The following TEX36 variants were observed in gnomAD, a reference collection of about 807,000 sequenced individuals.
TEX36 encodes testis expressed 36, also known as testis-expressed protein 36.
A neutral mutation model predicts 13.6 loss-of-function variants in TEX36; 12 were observed. That is an observed-to-expected ratio of 0.88 (90% CI 0.56 to 1.43). The LOEUF is 1.43. Ranked by LOEUF, TEX36 falls within the 40% of genes most tolerant of loss-of-function variation. The pLI is 0.00. For synonymous variants in TEX36, 93 were observed against 83.0 expected, an observed-to-expected ratio of 1.12 and a Z score of -0.65; for missense variants, 224 against 228.3, an observed-to-expected ratio of 0.98 and a Z score of 0.12.
chr10:125,591,329 G>A (rs1325254829), intron 3 of TEX36, among the ~76,000 whole-genome samples: 1 of 152,190 alleles, frequency 6.6e-6, no homozygotes, highest in Non-Finnish European at 1.5e-5. Context: ...TTGGTGGATG[G>A]TGAAAGTTTA....
exon 4 of TEX36, chr10:125,576,767 T>C: frequency 6.5e-7 from 1 of 1,535,176 alleles, no homozygotes; most frequent in Non-Finnish European, 8.7e-7. Context: ...CAAGGAGGGG[T>C]GCATTAGTTC....
chr10:125,614,100 T>C (rs947956749), intron 3 of TEX36, among the ~76,000 whole-genome samples: 1 of 152,266 alleles, frequency 6.6e-6, no homozygotes, highest in Admixed American at 6.5e-5. Flanking sequence ...TGTTTGTTCA[T>C]GTCCTTTGCC....
At position 125,667,532 on chromosome 10, in the gene TEX36, T is replaced by C. The variant is rs7914987; in HGVS notation, c.52-5555A>G. 3,820 of 735,622 alleles carry C rather than the reference T, an allele frequency of 5.2e-3. 125 individuals are homozygous for C. The African/African-American group carries it at 0.06, about 12-fold the overall frequency. 45.6% of individuals were successfully genotyped at this position (735,622 alleles called of 1,614,324 possible). On this transcript the variant is annotated intron_variant, in intron 1 of 3. Transcript: ENST00000368821. ...CCACTTGGTGAAGTCAGCTCCATCC[T>C]TCTTGTACTGGGCACAGCACTCAGA...
chr10:125,637,110 T>G (rs1601018), intron 3 of TEX36, among the ~76,000 whole-genome samples: 10 of 152,004 alleles, frequency 6.6e-5, no homozygotes, highest in Non-Finnish European at 1.3e-4. Flanking sequence ...GAGACCAGCC[T>G]AGGCAACATG....
intron 2 of TEX36, 126 bp downstream of exon 2, chr10:125,661,695 TGGGGTGGGGATACTACCAACCCTTA>T: frequency 1.1e-6 from 1 of 941,708 alleles, no homozygotes; most frequent in Non-Finnish European, 1.5e-6. Flanking sequence ...CACCAGGGTA[TGGGGTGGGGATACTACCAACCCTTA>T]GGGGTCCAAG....
At chr10:125,601,463 C>G (rs1446146412) in intron 3 of TEX36, among the ~76,000 whole-genome samples, 1 of 152,226 alleles carries the variant, frequency 6.6e-6, no homozygotes, top group Non-Finnish European at 1.5e-5. Flanking sequence ...GAGTTACAGA[C>G]AGTGAAGATA....
chr10:125,640,586 A>C (rs1204613724), intron 3 of TEX36, among the ~76,000 whole-genome samples: 1 of 152,200 alleles, frequency 6.6e-6, no homozygotes, highest in Non-Finnish European at 1.5e-5. Context: ...GGTACTTATA[A>C]AGGCAATACA....
intron 3 of TEX36, among the ~76,000 whole-genome samples, chr10:125,657,812 G>A (rs531729886): frequency 1.0e-3 from 152 of 152,270 alleles, no homozygotes; most frequent in African/African-American, 3.3e-3. Flanking sequence ...AACAGGAAGT[G>A]AGTGAGATAA....
chr10:125,634,034 T>G (rs1281887377), intron 3 of TEX36, among the ~76,000 whole-genome samples: 1 of 152,152 alleles, frequency 6.6e-6, no homozygotes, highest in Admixed American at 6.5e-5. Context: ...AAAAACTTAC[T>G]TTTTTTGGAG....
At chr10:125,667,042 G>T in intron 1 of TEX36, 2 of 1,487,832 alleles carry the variant, frequency 1.3e-6, no homozygotes, top group South Asian at 1.2e-5. Context: ...TCAGGGCAGA[G>T]GCCTGCAGGG....
chr10:125,644,126 A>G (rs1390306808), intron 3 of TEX36, among the ~76,000 whole-genome samples: 4 of 152,234 alleles, frequency 2.6e-5, no homozygotes, highest in Non-Finnish European at 5.9e-5. Flanking sequence ...ACAAAAGCCA[A>G]ATAGAGACCT....
chr10:125,606,355 T>C lies in TEX36; in HGVS notation c.265-29481A>G, dbSNP rs115890842. ...AATTATACTTTGTGTATTAAAGCCT[T>C]ATATCTTTGACCTATCCAGTGCACA... On this transcript the variant is annotated intron_variant, in intron 3 of 3. Transcript: ENST00000532135. 5.3e-3 allele frequency among the ~76,000 whole-genome samples: 810 copies of C among 152,358 alleles called. 7 individuals are homozygous for C. Among genetic ancestry groups the C allele is most frequent in the African/African-American group, 0.019 (779 of 41,578 alleles).
rs562946144 is a variant in TEX36 at position 125,670,058 on chromosome 10, G to A, written c.52-8081C>T. On this transcript the variant is annotated intron_variant, in intron 1 of 3. Transcript: ENST00000368821. ...TGTGAATAGTGCTGCAAGAACATAC[G>A]CATGAATGTATCTTTATAATAGAAT... Among the ~76,000 whole-genome samples the A allele has an allele frequency of 8.5e-5, 13 of 152,300 alleles. No individual in the cohort carries two copies. The South Asian group carries it at 1.2e-3, about 15-fold the overall frequency.
chr10:125,652,050 G>A (rs965232724), downstream of TEX36, among the ~76,000 whole-genome samples: 10 of 152,174 alleles, frequency 6.6e-5, no homozygotes, highest in African/African-American at 2.4e-4. Flanking sequence ...TCAATATTGT[G>A]AAAACGGCCT....
At chr10:125,682,833 C>T in intron 1 of TEX36, 106 bp downstream of exon 1, 1 of 1,274,958 alleles carries the variant, frequency 7.8e-7, no homozygotes, top group East Asian at 2.5e-5. Context: ...AGTGATTTGT[C>T]AAAGGTCATG....
At chr10:125,584,495 A>C (rs866020455) in intron 3 of TEX36, among the ~76,000 whole-genome samples, 10 of 152,350 alleles carry the variant, frequency 6.6e-5, no homozygotes, top group Admixed American at 3.3e-4. Flanking sequence ...GGATGAAAAC[A>C]TTGATCTGAA....
At chr10:125,611,864 C>T (rs550628959) in intron 3 of TEX36, among the ~76,000 whole-genome samples, 7 of 151,930 alleles carry the variant, frequency 4.6e-5, no homozygotes, top group Non-Finnish European at 1.0e-4. Context: ...GAAATTGTCC[C>T]TCAGGTCTCT....
chr10:125,613,419 A>G (rs1846315982), intron 3 of TEX36, among the ~76,000 whole-genome samples: 1 of 115,902 alleles, frequency 8.6e-6, no homozygotes, highest in South Asian at 3.7e-4. Flanking sequence ...TCCTAATGCT[A>G]TCCCTCCCCC....
At chr10:125,676,677 G>A (rs143411873) in intron 1 of TEX36, among the ~76,000 whole-genome samples, 5 of 151,914 alleles carry the variant, frequency 3.3e-5, no homozygotes, top group Non-Finnish European at 2.9e-5. Context: ...TTTTCTTGTT[G>A]TTTACATCTT....
Sources: gnomAD v4.1 joint callset for allele counts (sites outside exome capture counted in the v4.1 genomes callset) on GRCh38, gnomAD v4.1.1 for gene constraint, MANE v1.5 for transcripts, NCBI Gene and HGNC (gene_info 2026-07-23, HGNC 2026-07-21) for gene names.